GALNT2: variants seen among roughly 807,000 people sequenced by gnomAD.
The protein encoded by GALNT2 is UDP-GalNAc:polypeptide N-acetylgalactosaminyltransferase 2.
GALNT2 carries 31 observed loss-of-function variants against 81.4 expected under a neutral mutation model. That is an observed-to-expected ratio of 0.38 (90% CI 0.29 to 0.51). GALNT2 has a LOEUF of 0.51. Ranked by LOEUF, GALNT2 falls within the 20% of genes least tolerant of loss-of-function variation. The pLI is 0.87. For synonymous variants in GALNT2, 303 were observed against 287.4 expected, an observed-to-expected ratio of 1.05 and a Z score of -0.55; for missense variants, 629 against 765.7, an observed-to-expected ratio of 0.82 and a Z score of 2.11.
intron 1 of GALNT2, among the ~76,000 whole-genome samples, chr1:230,137,184 C>A (rs1244557883): frequency 6.6e-6 from 1 of 152,202 alleles, no homozygotes; most frequent in African/African-American, 2.4e-5. Context: ...TTCACTGGAG[C>A]CTGAGTGGAT....
intron 1 of GALNT2, among the ~76,000 whole-genome samples, chr1:230,131,344 C>T (rs987164297): frequency 2.0e-5 from 3 of 152,170 alleles, no homozygotes; most frequent in African/African-American, 7.2e-5. Context: ...CTGCTGATCC[C>T]AAATTCCTAG....
chr1:230,178,071 G>C (rs1572053657), intron 1 of GALNT2, 147 bp from the exon 2 acceptor site: 1 of 529,604 alleles, frequency 1.9e-6, no homozygotes, highest in Non-Finnish European at 3.3e-6. Flanking sequence ...TGGTGTGTGG[G>C]GTCTTTAAGA....
At chr1:230,156,150 A>G (rs1358364965) in intron 1 of GALNT2, among the ~76,000 whole-genome samples, 1 of 151,338 alleles carries the variant, frequency 6.6e-6, no homozygotes, top group African/African-American at 2.4e-5. Context: ...CTGGGTGGTG[A>G]TGACCTTCTG....
chr1:230,268,965 C>T (rs558533853), intron 14 of GALNT2, among the ~76,000 whole-genome samples: 1 of 152,256 alleles, frequency 6.6e-6, no homozygotes, highest in East Asian at 1.9e-4. Context: ...TGAACAAGAT[C>T]GGGTCTGCAG....
intron 1 of GALNT2, among the ~76,000 whole-genome samples, chr1:230,120,568 G>T (rs963040755): frequency 6.6e-6 from 1 of 152,114 alleles, no homozygotes; most frequent in Non-Finnish European, 1.5e-5. Flanking sequence ...GCCTGTGCCA[G>T]CTGGACACGA....
chr1:230,245,568 A>T (rs1665342540), intron 7 of GALNT2, among the ~76,000 whole-genome samples: 1 of 152,226 alleles, frequency 6.6e-6, no homozygotes, highest in South Asian at 2.1e-4. Context: ...TGCTGTGATA[A>T]TATTGATACT....
At chr1:230,120,233 T>C (rs1660973825) in intron 1 of GALNT2, among the ~76,000 whole-genome samples, 4 of 152,120 alleles carry the variant, frequency 2.6e-5, no homozygotes. Context: ...CAGCTGGTGT[T>C]GTAAGGTTAC....
chr1:230,248,979 T>G (rs993604536), intron 8 of GALNT2, among the ~76,000 whole-genome samples: 1 of 152,144 alleles, frequency 6.6e-6, no homozygotes, highest in Admixed American at 6.5e-5. Flanking sequence ...ATTTCAACAT[T>G]CACCCTCACT....
At chr1:230,241,035 T>C (rs1208001476) in intron 6 of GALNT2, among the ~76,000 whole-genome samples, 1 of 152,244 alleles carries the variant, frequency 6.6e-6, no homozygotes, top group Non-Finnish European at 1.5e-5. Flanking sequence ...ATTTTTAAGT[T>C]CTGGAATACC....
chr1:230,072,867 A>G (rs1659418745), intron 1 of GALNT2, among the ~76,000 whole-genome samples: 1 of 152,196 alleles, frequency 6.6e-6, no homozygotes, highest in African/African-American at 2.4e-5. Flanking sequence ...TGCCATAGTG[A>G]ACATGCTGAT....
At position 230,167,089 on chromosome 1, in the gene GALNT2, A is replaced by AT. The variant is rs533776823; in HGVS notation, c.127-11129_127-11128insT. Among the ~76,000 whole-genome samples the AT allele has an allele frequency of 8.5e-5, 10 of 118,252 alleles. No individual in the cohort carries two copies. In the South Asian group the frequency reaches 2.6e-3, roughly 31 times the overall value. 77.6% of individuals were successfully genotyped at this position (118,252 alleles called of 152,430 possible). On this transcript the variant is annotated intron_variant, in intron 1 of 15. Coordinates refer to ENST00000366672, the MANE Select transcript of GALNT2 (RefSeq NM_004481.5). The stretch of plus-strand genomic sequence containing the variant: ...GGGGCTCTTTGCATATCATTCTGAG[A>AT]CTCTTTTTTTTTTTTCTTGGAGATG...
intron 1 of GALNT2, among the ~76,000 whole-genome samples, chr1:230,101,221 G>A (rs930256179): frequency 6.6e-6 from 1 of 152,198 alleles, no homozygotes; most frequent in Non-Finnish European, 1.5e-5. Context: ...ACACATATGT[G>A]TATGCCTGTA....
chr1:230,090,363 A>T (rs1271507216), intron 1 of GALNT2, among the ~76,000 whole-genome samples: 1 of 152,108 alleles, frequency 6.6e-6, no homozygotes, highest in Non-Finnish European at 1.5e-5. Flanking sequence ...TCCAGTCTGA[A>T]GTGGGGTGGG....
At chr1:230,248,496 G>A (rs567925877) in intron 8 of GALNT2, among the ~76,000 whole-genome samples, 6 of 152,326 alleles carry the variant, frequency 3.9e-5, no homozygotes, top group African/African-American at 1.4e-4. Flanking sequence ...AGCGAGACCT[G>A]AGGCCCTGCA....
At chr1:230,186,506 A>G (rs1159517179) in intron 2 of GALNT2, among the ~76,000 whole-genome samples, 1 of 152,254 alleles carries the variant, frequency 6.6e-6, no homozygotes, top group Admixed American at 6.5e-5. Flanking sequence ...TATTATAATA[A>G]TAGGAAGCTA....
intron 1 of GALNT2, among the ~76,000 whole-genome samples, chr1:230,167,623 G>A (rs1286045655): frequency 6.6e-6 from 1 of 152,268 alleles, no homozygotes. Context: ...CTGAGGTGAA[G>A]TGGGGAGGAA....
intron 3 of GALNT2, among the ~76,000 whole-genome samples, chr1:230,215,156 C>T (rs553161692): frequency 1.3e-5 from 2 of 152,266 alleles, no homozygotes; most frequent in African/African-American, 4.8e-5. Context: ...AGGAAGTAGC[C>T]CTGTGGGATT....
Position 230,236,660 on chromosome 1 carries a change from C to G in GALNT2, c.542C>G (p.Pro181Arg). Residue 181 changes from proline to arginine, a missense_variant and splice_region_variant, in exon 6 of 16, where the codon CCT (proline) becomes CGT (arginine). Physicochemically the swap from Pro to Arg is moderately radical, Grantham distance 103. Transcript: ENST00000366672. Reference protein sequence around the residue: ...IILVDDYSNDPEDGALLGKIE... With the variant: ...IILVDDYSNDREDGALLGKIE... ...TGCTCTGCTTCTTTTCTTTTCCTAG[C>G]TGAGGACGGGGCTCTCTTGGGGAAA... 6.2e-7 allele frequency: 1 copy of G among 1,611,406 alleles called. No individual in the cohort carries two copies. The highest frequency in any genetic ancestry group is 8.5e-7 in the Non-Finnish European group (1 of 1,179,300).
rs188257395 is a variant in GALNT2 at position 230,252,709 on chromosome 1, G to C, written c.1009+2149G>C. On this transcript the variant is annotated intron_variant, in intron 10 of 15. Coordinates refer to ENST00000366672, the MANE Select transcript of GALNT2 (RefSeq NM_004481.5). ...TTAGCCTTGAAAATCTCCCACAAAA[G>C]CCCTGGAAGGATCCCTTGTTGGCTT... Among the ~76,000 whole-genome samples the C allele has an allele frequency of 1.3e-3, 194 of 152,226 alleles. 1 individual carries two copies. The highest frequency in any genetic ancestry group is 1.2e-3 in the Non-Finnish European group (82 of 68,030).
Sources: gnomAD v4.1 joint callset for allele counts (sites outside exome capture counted in the v4.1 genomes callset) on GRCh38, gnomAD v4.1.1 for gene constraint, MANE v1.5 for transcripts, NCBI Gene and HGNC (gene_info 2026-07-23, HGNC 2026-07-21) for gene names.